Variants in LATS2 observed in about 807,000 individuals in gnomAD.
LATS2 encodes large tumor suppressor kinase 2, also known as serine/threonine-protein kinase LATS2.
A neutral mutation model predicts 76.0 loss-of-function variants in LATS2; 24 were observed. The observed-to-expected ratio is 0.32, with a 90% CI of 0.23 to 0.44. The LOEUF (loss-of-function observed/expected upper bound fraction) is 0.44. LATS2 is among the 20% of genes least tolerant of loss of function. LATS2 has a pLI of 1.00. For synonymous variants in LATS2, 692 were observed against 635.4 expected (o/e 1.09, Z -1.34); for missense variants, 1,286 against 1,481.2 (o/e 0.87, Z 2.16).
intron 1 of LATS2, among the ~76,000 whole-genome samples, chr13:21,058,005 T>G (rs1396449142): frequency 2.0e-5 from 3 of 152,168 alleles, no homozygotes; most frequent in Non-Finnish European, 4.4e-5. Context: ...GCCCCTGGAC[T>G]TGTGTAATTT....
intron 1 of LATS2, among the ~76,000 whole-genome samples, chr13:21,059,568 C>T (rs1873557909): frequency 1.3e-5 from 2 of 152,074 alleles, no homozygotes; most frequent in South Asian, 4.1e-4. Context: ...GCACTCCAGC[C>T]TGGGCGACAG....
Position 20,979,737 on chromosome 13 carries a change from C to T in LATS2, c.2726G>A (p.Gly909Glu). The change falls in exon 7 of 8, where the codon GGG (glycine) becomes GAG (glutamate). Residue 909 changes from glycine to glutamate, a missense_variant. Gly to Glu is a moderately conservative substitution (Grantham distance 98). Coordinates refer to ENST00000382592, the MANE Select transcript of LATS2 (RefSeq NM_014572.3). ...AGTAGGTGCCAAAAAGGGCGGCTGC[C>T]CCACCAGCATCTCGAAGAGAATCAC... Reference protein sequence around the residue: ...VGVILFEMLVGQPPFLAPTPT... With the variant: ...VGVILFEMLVEQPPFLAPTPT... The T allele has an allele frequency of 6.2e-7, 1 of 1,612,858 alleles. No homozygotes were observed. Among genetic ancestry groups the T allele is most frequent in the Non-Finnish European group, 8.5e-7 (1 of 1,179,224 alleles).
chr13:20,990,706 G>T (rs1030086041), intron 3 of LATS2, among the ~76,000 whole-genome samples: 2 of 152,102 alleles, frequency 1.3e-5, no homozygotes, highest in African/African-American at 4.8e-5. Flanking sequence ...CAGGGCCCAT[G>T]TGCTCCATCT....
intron 2 of LATS2, among the ~76,000 whole-genome samples, chr13:21,031,768 G>A (rs1872536412): frequency 6.6e-6 from 1 of 152,132 alleles, no homozygotes; most frequent in Non-Finnish European, 1.5e-5. Context: ...GCTGAGATGG[G>A]AGGATTGCTT....
chr13:20,988,170 C>T lies in LATS2; in HGVS notation c.1610G>A (p.Cys537Tyr), dbSNP rs200369113. ...KSEQYDLDSL[C>Y]AGMEQSLRAG... is the part of the protein sequence containing the mutation. Reference sequence around the variant, plus strand: ...ACGGAGGCTCTGCTCCATGCCTGCGCACAGGCTGTCCAGGTCGTACTGCTC... The same window carrying T: ...ACGGAGGCTCTGCTCCATGCCTGCGTACAGGCTGTCCAGGTCGTACTGCTC... The change falls in exon 4 of 8, where the codon TGC (cysteine) becomes TAC (tyrosine). Residue 537 changes from cysteine to tyrosine, a missense_variant. Transcript: ENST00000382592. 258 of 1,613,910 alleles carry T rather than the reference C, an allele frequency of 1.6e-4. 1 individual carries two copies. In the Middle Eastern group the frequency reaches 1.8e-3, roughly 11 times the overall value.
intron 7 of LATS2, among the ~76,000 whole-genome samples, chr13:20,979,235 G>T (rs923944237): frequency 6.6e-6 from 1 of 152,226 alleles, no homozygotes; most frequent in Non-Finnish European, 1.5e-5. Flanking sequence ...CAGGCTATTA[G>T]TAAAGTTTTT....
chr13:21,018,098 G>A lies in LATS2; in HGVS notation c.343-26694C>T, dbSNP rs1340046065. 3 of 152,176 alleles carry A rather than the reference G, an allele frequency of 2.0e-5. No homozygotes were observed. The East Asian group carries it at 5.8e-4, about 29-fold the overall frequency. 9.4% of individuals were successfully genotyped at this position (152,176 alleles called of 1,614,324 possible). On this transcript the variant is annotated intron_variant, in intron 2 of 7. Coordinates refer to ENST00000382592, the MANE Select transcript of LATS2 (RefSeq NM_014572.3). ...AGCTTCAGTAACACGTAGGATCACT[G>A]GCTAGTTTTGATCTGAGACTTTTAG... is the stretch of plus-strand genomic sequence containing the variant.
At chr13:20,989,862 TA>T (rs149473829) in intron 3 of LATS2, among the ~76,000 whole-genome samples, 7,707 of 152,246 alleles carry the variant, frequency 0.051, 257 homozygotes, top group Non-Finnish European at 0.074. Context: ...TACACAATAA[TA>T]AAAACCACAC....
rs1395642795 is a variant in LATS2 at position 20,983,356 on chromosome 13, T to C, written c.2350A>G (p.Lys784Glu). Residue 784 changes from lysine to glutamate, a missense_variant, in exon 5 of 8, where the codon AAG becomes GAG. This residue lies in a region of LATS2 where 247 missense variants were observed against 385.4 expected (regional missense o/e 0.64). Coordinates refer to ENST00000382592, the MANE Select transcript of LATS2 (RefSeq NM_014572.3). ...ELTLAIESVH[K>E]MGFIHRDIKP... is the part of the protein sequence containing the mutation. Reference sequence around the variant, plus strand: ...ATGTCTCGGTGGATGAAGCCCATCTTGTGGACACTCTCAATGGCCAAAGTC... The same window carrying C: ...ATGTCTCGGTGGATGAAGCCCATCTCGTGGACACTCTCAATGGCCAAAGTC... The C allele has an allele frequency of 6.2e-7, 1 of 1,611,722 alleles. No individual in the cohort carries two copies. Among genetic ancestry groups the C allele is most frequent in the East Asian group, 2.2e-5 (1 of 44,710 alleles).
intron 1 of LATS2, among the ~76,000 whole-genome samples, chr13:21,061,109 G>T (rs1873629247): frequency 6.6e-6 from 1 of 151,892 alleles, no homozygotes; most frequent in African/African-American, 2.4e-5. Flanking sequence ...CGGCTCCGCG[G>T]GCTCCGTACG....
chr13:21,026,071 A>C (rs1310033904), intron 2 of LATS2, among the ~76,000 whole-genome samples: 1 of 152,214 alleles, frequency 6.6e-6, no homozygotes, highest in Non-Finnish European at 1.5e-5. Context: ...TGAAATCAAC[A>C]CCAATCCCTG....
chr13:21,057,171 C>A (rs1178526399), intron 1 of LATS2, among the ~76,000 whole-genome samples: 1 of 152,206 alleles, frequency 6.6e-6, no homozygotes, highest in South Asian at 2.1e-4. Context: ...TCCTTACCAT[C>A]CTAACTGATC....
intron 2 of LATS2, among the ~76,000 whole-genome samples, chr13:21,000,102 C>T (rs939933498): frequency 1.3e-5 from 2 of 152,156 alleles, no homozygotes; most frequent in South Asian, 2.1e-4. Flanking sequence ...TAAAGATAGG[C>T]CGGGCGTGGT....
chr13:21,033,996 G>A (rs1029148457), intron 2 of LATS2, among the ~76,000 whole-genome samples: 4 of 152,074 alleles, frequency 2.6e-5, no homozygotes, highest in African/African-American at 9.7e-5. Context: ...AGGCTGGTAG[G>A]ACAACGATCT....
rs550515519 is a variant in LATS2, at chr13:21,025,558, T to C, written c.342+20127A>G. Among the ~76,000 whole-genome samples the C allele has an allele frequency of 2.6e-5, 4 of 152,286 alleles. No individual in the cohort carries two copies. In the East Asian group the frequency reaches 5.8e-4, roughly 22 times the overall value. On this transcript the variant is annotated intron_variant, in intron 2 of 7. Transcript: ENST00000382592. ...TCAATAACTCTACCTTTTGGTGTCA[T>C]GCAGGATGGATCACTTAGGTTTTAT...
intron 2 of LATS2, among the ~76,000 whole-genome samples, chr13:21,001,197 G>C (rs1404563893): frequency 1.3e-5 from 2 of 152,136 alleles, no homozygotes; most frequent in African/African-American, 4.8e-5. Context: ...TAAGACTTTT[G>C]TCACAATGGA....
chr13:21,040,078 A>T (rs544960364), intron 2 of LATS2, among the ~76,000 whole-genome samples: 2 of 152,094 alleles, frequency 1.3e-5, no homozygotes, highest in Non-Finnish European at 2.9e-5. Flanking sequence ...CATCTCAAAA[A>T]AAAAAAAAAG....
Position 20,974,423 on chromosome 13 carries a change from C to CTT in LATS2, c.*445_*446dup, listed in dbSNP as rs199516698. 538 of 206,384 alleles carry CTT rather than the reference C, an allele frequency of 2.6e-3. No homozygotes were observed. The highest frequency in any genetic ancestry group is 8.0e-3 in the African/African-American group (344 of 42,804). The allele number at this position is 206,384 out of a possible 1,614,324, so 12.8% of individuals were successfully genotyped here. ...TCCGTGACATTGAGCAGAGTGTTAT[C>CTT]TTTTTTTTTTTTTACATTATTGCAC... On this transcript the variant is annotated 3_prime_UTR_variant, in exon 8 of 8. Transcript: ENST00000382592.
intron 2 of LATS2, among the ~76,000 whole-genome samples, chr13:21,021,681 A>G (rs768589242): frequency 6.6e-6 from 1 of 152,156 alleles, no homozygotes; most frequent in African/African-American, 2.4e-5. Context: ...AATTGAGGAC[A>G]CCTTCCCAAC....
Sources: allele counts gnomAD v4.1 joint callset (sites outside exome capture counted in the v4.1 genomes callset), GRCh38; gene constraint gnomAD v4.1.1; regional missense constraint gnomAD v4.1.1; transcripts MANE v1.5; gene names NCBI Gene and HGNC (gene_info 2026-07-23, HGNC 2026-07-21).